POLR3B: variants seen among roughly 807,000 people sequenced by gnomAD.
POLR3B encodes DNA-directed RNA polymerase III subunit RPC2.
In POLR3B, 96 loss-of-function variants were observed where a neutral mutation model predicts 147.4. That is an observed-to-expected ratio of 0.65 (90% CI 0.55 to 0.77). The LOEUF (loss-of-function observed/expected upper bound fraction) is 0.77, where lower values mean the gene tolerates loss of function less well. Among genes scored for constraint, POLR3B ranks in the 30% least tolerant of loss-of-function variants. POLR3B has a pLI of 0.00. For missense variants in POLR3B, 1,036 were observed against 1,413.5 expected (o/e 0.73, Z 4.28); for synonymous variants, 461 against 485.9 (o/e 0.95, Z 0.67).
chr12:106,483,542 A>G (rs2038297681), intron 23 of POLR3B, among the ~76,000 whole-genome samples: 11 of 152,244 alleles, frequency 7.2e-5, no homozygotes, highest in Admixed American at 7.2e-4. Flanking sequence ...AGAGGTTTAG[A>G]GTTTACCATA....
chr12:106,444,349 T>C, intron 18 of POLR3B, 114 bp from the exon 19 acceptor site: 1 of 981,086 alleles, frequency 1.0e-6, no homozygotes. Flanking sequence ...GCATCAAATT[T>C]TATTGACATA....
intron 20 of POLR3B, among the ~76,000 whole-genome samples, chr12:106,456,394 C>T (rs528539420): frequency 1.3e-5 from 2 of 152,214 alleles, no homozygotes; most frequent in South Asian, 2.1e-4. Context: ...GTTGATTTCA[C>T]AGCCTTTCCC....
rs568450145 is a variant in POLR3B, at chr12:106,379,205, C to T, written c.614+821C>T. Among the ~76,000 whole-genome samples the T allele has an allele frequency of 2.6e-5, 4 of 152,290 alleles. No individual in the cohort carries two copies. In the South Asian group the frequency reaches 8.3e-4, roughly 32 times the overall value. On this transcript the variant is annotated intron_variant, in intron 8 of 27. Coordinates refer to ENST00000228347, the MANE Select transcript of POLR3B (RefSeq NM_018082.6). Reference sequence around the variant, plus strand: ...TAACAGGCCTTAAGCTCAGGGGTACCTTGACTGTAAGAGGTAGATAGCCTT... The same window carrying T: ...TAACAGGCCTTAAGCTCAGGGGTACTTTGACTGTAAGAGGTAGATAGCCTT...
Position 106,501,357 on chromosome 12 carries a change from G to A in POLR3B, c.3019G>A (p.Val1007Met), listed in dbSNP as rs375472185. Residue 1007 changes from valine (V) to methionine (M), a missense_variant, in exon 26 of 28, where the codon GTG (valine) becomes ATG (methionine). By Grantham distance (21) the Val-to-Met change is conservative. Around this residue, in one of 12 missense-constraint regions of POLR3B, gnomAD observed 88 missense variants for 87.5 expected, o/e 1.01. Transcript: ENST00000228347. ...AGAAGCATACATCTATTTTGGCCCC[G>A]TGTACTATCAGAAGCTGAAACACAT... ...PLEAYIYFGP[V>M]YYQKLKHMVL... 52 of 1,613,136 alleles carry A rather than the reference G, an allele frequency of 3.2e-5. No homozygotes were observed. Among genetic ancestry groups the A allele is most frequent in the Admixed American group, 5.0e-5 (3 of 60,006 alleles).
intron 23 of POLR3B, among the ~76,000 whole-genome samples, chr12:106,469,916 C>G (rs2038065722): frequency 6.6e-6 from 1 of 152,182 alleles, no homozygotes; most frequent in South Asian, 2.1e-4. Flanking sequence ...GTGAATCTGA[C>G]AATTACATGT....
chr12:106,467,868 A>G (rs1247947060), intron 23 of POLR3B, among the ~76,000 whole-genome samples: 1 of 152,180 alleles, frequency 6.6e-6, no homozygotes, highest in African/African-American at 2.4e-5. Context: ...TATTTTATTG[A>G]GGATTTTCGC....
In POLR3B at chr12:106,478,051, G is replaced by A. The variant is rs2038207092; in HGVS notation, c.2713+14431G>A. Among the ~76,000 whole-genome samples the A allele has an allele frequency of 2.6e-5, 4 of 151,764 alleles. No homozygotes were observed. The South Asian group carries it at 6.2e-4, about 24-fold the overall frequency. ...TCCCCCATTAGCTGGGACTACAGGT[G>A]TGTACCACCATGTCTGGCTAATTTT... On this transcript the variant is annotated intron_variant, in intron 23 of 27. Transcript: ENST00000228347.
chr12:106,360,966 G>A (rs535080860), intron 1 of POLR3B, among the ~76,000 whole-genome samples: 1 of 152,304 alleles, frequency 6.6e-6, no homozygotes, highest in East Asian at 1.9e-4. Flanking sequence ...TGCCAGATGT[G>A]GATGAAGTGT....
chr12:106,370,911 C>T (rs934582671), intron 6 of POLR3B, among the ~76,000 whole-genome samples: 3 of 152,106 alleles, frequency 2.0e-5, no homozygotes, highest in African/African-American at 4.8e-5. Context: ...GGATTACAGG[C>T]GTGAGCCACC....
intron 8 of POLR3B, among the ~76,000 whole-genome samples, chr12:106,379,285 T>G (rs1000230131): frequency 1.3e-5 from 2 of 152,212 alleles, no homozygotes; most frequent in African/African-American, 4.8e-5. Context: ...TCTGTAACTT[T>G]GGAGCCAAGG....
At chr12:106,406,496 A>T (rs2037152452) in intron 11 of POLR3B, among the ~76,000 whole-genome samples, 1 of 152,238 alleles carries the variant, frequency 6.6e-6, no homozygotes, top group East Asian at 1.9e-4. Flanking sequence ...TTATTGTACA[A>T]CCATCACCAC....
At chr12:106,384,814 G>A (rs540134898) in intron 9 of POLR3B, among the ~76,000 whole-genome samples, 9 of 151,508 alleles carry the variant, frequency 5.9e-5, no homozygotes, top group African/African-American at 2.2e-4. Flanking sequence ...TTAACTAATC[G>A]ATATATATTA....
chr12:106,376,504 C>G, intron 7 of POLR3B, 54 bp downstream of exon 7: 1 of 1,226,552 alleles, frequency 8.2e-7, no homozygotes, highest in Non-Finnish European at 1.2e-6. Flanking sequence ...TATTCTGCTG[C>G]TGCTGTGGTT....
chr12:106,372,863 CTT>C (rs2136892508), intron 6 of POLR3B, among the ~76,000 whole-genome samples: 1 of 120,002 alleles, frequency 8.3e-6, no homozygotes, highest in South Asian at 2.3e-4. Context: ...TATTACATAA[CTT>C]TAGTCAGTAT....
intron 7 of POLR3B, among the ~76,000 whole-genome samples, chr12:106,377,744 A>G (rs1209542450): frequency 2.6e-5 from 4 of 152,210 alleles, no homozygotes; most frequent in Non-Finnish European, 4.4e-5. Flanking sequence ...CCTGTCCTCA[A>G]GAAATTTTTT....
chr12:106,421,507 T>C (rs12312915), intron 12 of POLR3B, among the ~76,000 whole-genome samples: 51,263 of 152,002 alleles, frequency 0.34, 11,522 homozygotes, highest in African/African-American at 0.64. Context: ...GCATTTTCTA[T>C]ATTACTAATG....
intron 18 of POLR3B, among the ~76,000 whole-genome samples, chr12:106,442,092 AG>A (rs369637151): frequency 0.32 from 46,668 of 145,794 alleles, 10,198 homozygotes; most frequent in African/African-American, 0.62. Context: ...AAAAAAAAAA[AG>A]AAAGAAAGAA....
chr12:106,370,001 T>C (rs747843753), intron 6 of POLR3B, among the ~76,000 whole-genome samples: 20 of 152,188 alleles, frequency 1.3e-4, no homozygotes, highest in Non-Finnish European at 2.8e-4. Flanking sequence ...AGGTATATTC[T>C]GAGATTGAGT....
chr12:106,454,670 T>C lies in POLR3B; in HGVS notation c.2252T>C (p.Ile751Thr). Residue 751 changes from isoleucine to threonine, a missense_variant, in exon 20 of 28, where the codon ATT becomes ACT. Ile to Thr is a moderately conservative substitution (Grantham distance 89). This residue lies in a region of POLR3B where 202 missense variants were observed against 272.8 expected (regional missense o/e 0.74). Transcript: ENST00000228347. ...GTGATGAGCTATAGTGGCTATGATA[T>C]TGAAGATGCTCTTGTTTTAAACAAG... ...VAVMSYSGYD[I>T]EDALVLNKAS... 1.2e-6 allele frequency: 2 copies of C among 1,611,836 alleles called. No homozygotes were observed. The highest frequency in any genetic ancestry group is 1.7e-6 in the Non-Finnish European group (2 of 1,178,086).
Sources: gnomAD v4.1 joint callset for allele counts (sites outside exome capture counted in the v4.1 genomes callset) on GRCh38, gnomAD v4.1.1 for gene constraint, gnomAD v4.1.1 regional missense constraint, MANE v1.5 for transcripts, NCBI Gene and HGNC (gene_info 2026-07-23, HGNC 2026-07-21) for gene names.